GTPBP1: variants seen among roughly 807,000 people sequenced by gnomAD.
GTPBP1 encodes the protein GTP binding protein 1, also known as GTP-binding protein 1.
GTPBP1 carries 23 observed loss-of-function variants against 62.0 expected under a neutral mutation model. The observed-to-expected ratio is 0.37, with a 90% CI of 0.27 to 0.53. The LOEUF (loss-of-function observed/expected upper bound fraction) is 0.53, where lower values mean the gene tolerates loss of function less well. GTPBP1 is among the 20% of genes least tolerant of loss of function. The pLI is 0.89. For synonymous variants in GTPBP1, 344 were observed against 364.4 expected (o/e 0.94, Z 0.64); for missense variants, 640 against 917.3 (o/e 0.70, Z 3.90).
At position 38,721,781 on chromosome 22, in the gene GTPBP1, C is replaced by G; in HGVS notation, c.874C>G (p.His292Asp). 1 of 1,613,068 alleles carries G rather than the reference C, an allele frequency of 6.2e-7. No homozygotes were observed. Among genetic ancestry groups the G allele is most frequent in the Non-Finnish European group, 8.5e-7 (1 of 1,179,148 alleles). ...NAGIVGMTKE[H>D]LGLALALNVP... The stretch of plus-strand genomic sequence containing the variant: ...TGGCATCGTGGGGATGACCAAAGAA[C>G]ACCTGGGCTTGGCACTGGCACTCAA... Residue 292 changes from histidine to aspartate, a missense_variant, in exon 5 of 12, where the codon CAC (histidine) becomes GAC (aspartate). Coordinates refer to ENST00000216044, the MANE Select transcript of GTPBP1 (RefSeq NM_004286.5).
At chr22:38,719,762 C>G (rs2092689617) in intron 4 of GTPBP1, among the ~76,000 whole-genome samples, 1 of 151,728 alleles carries the variant, frequency 6.6e-6, no homozygotes, top group Non-Finnish European at 1.5e-5. Flanking sequence ...AGGCCTGTCT[C>G]CTACTGTTTT....
At chr22:38,740,559 C>A (rs1455962024), downstream of GTPBP1, 6 of 1,077,196 alleles carry the variant, frequency 5.6e-6, no homozygotes, top group Non-Finnish European at 6.4e-6. The surrounding 1 kb of genome is among the most constrained non-coding windows in gnomAD (Gnocchi z 4.8). Flanking sequence ...TCATTGTGAA[C>A]CTGAGAAGGG....
downstream of GTPBP1, among the ~76,000 whole-genome samples, chr22:38,742,013 G>A (rs1354768538): frequency 1.3e-5 from 2 of 152,054 alleles, no homozygotes; most frequent in Non-Finnish European, 2.9e-5. Flanking sequence ...GGTGGTGCAC[G>A]CCTGTAATCC....
intron 4 of GTPBP1, among the ~76,000 whole-genome samples, chr22:38,719,598 G>A (rs1311224371): frequency 3.3e-5 from 5 of 151,460 alleles, no homozygotes; most frequent in African/African-American, 4.9e-5. Context: ...GTGAGCCACC[G>A]TGCCCAGCCA....
chr22:38,736,530 C>G, downstream of GTPBP1: 1 of 591,488 alleles, frequency 1.7e-6, no homozygotes, highest in Non-Finnish European at 2.9e-6. Context: ...TTCAAAAGCT[C>G]CTATCTTTAG....
Position 38,721,749 on chromosome 22 carries a change from G to A in GTPBP1, c.842G>A (p.Ser281Asn). Residue 281 changes from serine to asparagine, a missense_variant, in exon 5 of 12, where the codon AGC becomes AAC. By Grantham distance (46) the Ser-to-Asn change is conservative (BLOSUM62 1). Transcript: ENST00000216044. ...LPDFCMLMVG[S>N]NAGIVGMTKE... Reference sequence around the variant, plus strand: ...CTTTCTGTGTTGGGGCAGGTGGGCAGCAATGCTGGCATCGTGGGGATGACC... The same window carrying A: ...CTTTCTGTGTTGGGGCAGGTGGGCAACAATGCTGGCATCGTGGGGATGACC... The A allele has an allele frequency of 6.2e-7, 1 of 1,611,552 alleles. No homozygotes were observed. The highest frequency in any genetic ancestry group is 8.5e-7 in the Non-Finnish European group (1 of 1,178,104).
chr22:38,740,198 AG>A (rs2092842792), downstream of GTPBP1: 1 of 1,453,916 alleles, frequency 6.9e-7, no homozygotes, highest in Non-Finnish European at 9.1e-7. The surrounding 1 kb of genome is among the most constrained non-coding windows in gnomAD (Gnocchi z 4.8). Context: ...GCTGCTTTGC[AG>A]GCCCCAGGAC....
rs1282756566 is a variant in GTPBP1, at chr22:38,730,095, T to C, written c.1917+433T>C. 3.3e-5 allele frequency among the ~76,000 whole-genome samples: 5 copies of C among 151,918 alleles called. No homozygotes were observed. The highest frequency in any genetic ancestry group is 1.2e-4 in the African/African-American group (5 of 41,348). On this transcript the variant is annotated intron_variant, in intron 11 of 11. Coordinates refer to ENST00000216044, the MANE Select transcript of GTPBP1 (RefSeq NM_004286.5). This position sits in a 1 kb window ranked among gnomAD's most constrained non-coding sequence, Gnocchi z 5.6. ...ACGTGCACACATCCTGAAGGGGAGG[T>C]GGCTTTGGGATGTGCCAGTGCGCCT...
Position 38,726,237 on chromosome 22 carries a change from C to T in GTPBP1, c.1219-21C>T, listed in dbSNP as rs767200158. 40 of 1,613,264 alleles carry T rather than the reference C, an allele frequency of 2.5e-5. No individual in the cohort carries two copies. The highest frequency in any genetic ancestry group is 3.2e-5 in the Non-Finnish European group (38 of 1,179,554). Reference sequence around the variant, plus strand: ...CTGTGCTGGGGATGCACTTATGAGGCCAGGGTCTTCTCCTTGGCAGGGTGT... The same window carrying T: ...CTGTGCTGGGGATGCACTTATGAGGTCAGGGTCTTCTCCTTGGCAGGGTGT... On this transcript the variant is annotated intron_variant, in intron 7 of 11. Transcript: ENST00000216044. The surrounding 1 kb of genome is among the most constrained non-coding windows in gnomAD (Gnocchi z 4.1).
At chr22:38,737,117 A>T (rs572484840), downstream of GTPBP1, among the ~76,000 whole-genome samples, 1 of 152,280 alleles carries the variant, frequency 6.6e-6, no homozygotes, top group South Asian at 2.1e-4. This position sits in a 1 kb window ranked among gnomAD's most constrained non-coding sequence, Gnocchi z 4.1. Flanking sequence ...AAAGTGCTGG[A>T]ATTACAGACA....
At chr22:38,737,944 T>C (rs1478051174), downstream of GTPBP1, 1 of 690,468 alleles carries the variant, frequency 1.4e-6, no homozygotes, top group Admixed American at 2.0e-5. The surrounding 1 kb of genome is among the most constrained non-coding windows in gnomAD (Gnocchi z 4.1). Context: ...CTGGTGTCCT[T>C]TTCCAGGAAG....
At chr22:38,734,019 AGC>A, downstream of GTPBP1, 1 of 248,934 alleles carries the variant, frequency 4.0e-6, no homozygotes, top group Non-Finnish European at 8.1e-6. Context: ...GCACAGGACC[AGC>A]TGTCTCCCAA....
At position 38,724,776 on chromosome 22, in the gene GTPBP1, C is replaced by G. The variant is rs560731389; in HGVS notation, c.1073+365C>G. On this transcript the variant is annotated intron_variant, in intron 6 of 11. Coordinates refer to ENST00000216044, the MANE Select transcript of GTPBP1 (RefSeq NM_004286.5). Reference sequence around the variant, plus strand: ...GTATGTAGAGCACTTAATGCCCTGCCTGGCTGATGGATGGTAAATACACAG... The same window carrying G: ...GTATGTAGAGCACTTAATGCCCTGCGTGGCTGATGGATGGTAAATACACAG... 3.0e-3 allele frequency among the ~76,000 whole-genome samples: 455 copies of G among 152,322 alleles called. 1 individual carries two copies. The highest frequency in any genetic ancestry group is 0.01 in the African/African-American group (427 of 41,556).
At chr22:38,739,324 G>A, downstream of GTPBP1, 1 of 1,612,510 alleles carries the variant, frequency 6.2e-7, no homozygotes. This position sits in a 1 kb window ranked among gnomAD's most constrained non-coding sequence, Gnocchi z 6.7. Context: ...GGCAGAGCGA[G>A]GAAAGCAGAG....
chr22:38,722,992 C>A, intron 5 of GTPBP1: 1 of 835,906 alleles, frequency 1.2e-6, no homozygotes, highest in South Asian at 1.3e-5. Context: ...TCTAACAGCA[C>A]ACCGTAGTCT....
At chr22:38,718,501 C>G (rs764472581) in intron 4 of GTPBP1, among the ~76,000 whole-genome samples, 1 of 152,194 alleles carries the variant, frequency 6.6e-6, no homozygotes, top group African/African-American at 2.4e-5. Context: ...CCGTAGAGCA[C>G]TCTCTTCTCC....
At chr22:38,733,642 G>A (rs933242891), downstream of GTPBP1, 5 of 152,416 alleles carry the variant, frequency 3.3e-5, no homozygotes, top group African/African-American at 1.2e-4. Flanking sequence ...GTCTTTCCCA[G>A]GAGTAAGGCC....
rs1414929001 is a variant in GTPBP1 at position 38,727,522 on chromosome 22, C to G, written c.1537+174C>G. Among the ~76,000 whole-genome samples, 1 of 151,592 alleles carries G rather than the reference C, an allele frequency of 6.6e-6. No homozygotes were observed. Among genetic ancestry groups the G allele is most frequent in the African/African-American group, 2.4e-5 (1 of 41,204 alleles). ...ATGAGCCGCAGTGTTGATTCCTTCC[C>G]ACAAACACTGAGGGCTGGGCTCTTG... On this transcript the variant is annotated intron_variant, in intron 9 of 11. Transcript: ENST00000216044. The surrounding 1 kb of genome is among the most constrained non-coding windows in gnomAD (Gnocchi z 6.5).
At position 38,721,800 on chromosome 22, in the gene GTPBP1, C is replaced by T; in HGVS notation, c.893C>T (p.Ala298Val). The stretch of plus-strand genomic sequence containing the variant: ...AAAGAACACCTGGGCTTGGCACTGG[C>T]ACTCAATGTACCTGTCTTTGTGGTA... ...MTKEHLGLAL[A>V]LNVPVFVVVT... The change falls in exon 5 of 12, where the codon GCA becomes GTA. Residue 298 changes from alanine to valine, a missense_variant. Transcript: ENST00000216044. 3.7e-6 allele frequency: 6 copies of T among 1,612,690 alleles called. No individual in the cohort carries two copies. Among genetic ancestry groups the T allele is most frequent in the Non-Finnish European group, 4.2e-6 (5 of 1,178,794 alleles).
Sources: allele counts gnomAD v4.1 joint callset (sites outside exome capture counted in the v4.1 genomes callset), GRCh38; gene constraint gnomAD v4.1.1; non-coding constraint Gnocchi (gnomAD v3.1); transcripts MANE v1.5; gene names NCBI Gene and HGNC (gene_info 2026-07-23, HGNC 2026-07-21).